Variants in IGFN1 observed in about 807,000 individuals in gnomAD.
IGFN1 encodes the protein immunoglobulin like and fibronectin type III domain containing 1, also known as immunoglobulin-like and fibronectin type III domain-containing protein 1.
Under a neutral mutation model 289.5 loss-of-function variants are expected in IGFN1, and 253 were observed. That is an observed-to-expected ratio of 0.87 (90% CI 0.79 to 0.97). The LOEUF is 0.97. IGFN1 is among the 50% of genes least tolerant of loss of function. The pLI is 0.00. For synonymous variants in IGFN1, 1,706 were observed against 1,788.5 expected, an observed-to-expected ratio of 0.95 and a Z score of 1.16; for missense variants, 4,470 against 4,686.1, an observed-to-expected ratio of 0.95 and a Z score of 1.35.
At position 201,209,986 on chromosome 1, in the gene IGFN1, G is replaced by T. The variant is rs770546118; in HGVS notation, c.5093G>T (p.Ser1698Ile). The T allele has an allele frequency of 8.7e-6, 13 of 1,494,618 alleles. No homozygotes were observed. The highest frequency in any genetic ancestry group is 2.9e-5 in the African/African-American group (2 of 67,834). 92.6% of individuals were successfully genotyped at this position (1,494,618 alleles called of 1,614,324 possible). The change falls in exon 12 of 24, where the codon AGT (serine) becomes ATT (isoleucine). Residue 1698 changes from serine (S) to isoleucine (I), a missense_variant. Physicochemically the swap from Ser to Ile is moderately radical, Grantham distance 142. Coordinates refer to ENST00000335211, the MANE Select transcript of IGFN1 (RefSeq NM_001164586.2). Reference sequence around the variant, plus strand: ...GCAGGTTTTAGGGATGGTTTAGGGAGTTCTGTAGAAATGGGGTCAGTGAAT... The same window carrying T: ...GCAGGTTTTAGGGATGGTTTAGGGATTTCTGTAGAAATGGGGTCAGTGAAT... ...SKAGFRDGLG[S>I]SVEMGSVNEA...
chr1:201,206,178 G>T lies in IGFN1; in HGVS notation c.1285G>T (p.Glu429Ter). Residue 429 changes from glutamate to a stop codon, truncating the protein, a stop_gained, in exon 12 of 24, where the codon GAG becomes TAG. Coordinates refer to ENST00000335211, the MANE Select transcript of IGFN1 (RefSeq NM_001164586.2). LOFTEE classifies it high-confidence loss of function. ...ASGAEESGSIESQGEKSREQG... is the reference protein window; with the variant it reads ...ASGAEESGSI Reference sequence around the variant, plus strand: ...AGGAGCAGAAGAGTCTGGGAGCATCGAGAGCCAGGGAGAGAAATCCAGAGA... The same window carrying T: ...AGGAGCAGAAGAGTCTGGGAGCATCTAGAGCCAGGGAGAGAAATCCAGAGA... 6 of 1,550,318 alleles carry T rather than the reference G, an allele frequency of 3.9e-6. No homozygotes were observed. Among genetic ancestry groups the T allele is most frequent in the Non-Finnish European group, 5.2e-6 (6 of 1,146,774 alleles).
At chr1:201,219,064 G>A (rs1335940397) in intron 18 of IGFN1, among the ~76,000 whole-genome samples, 3 of 148,234 alleles carry the variant, frequency 2.0e-5, no homozygotes, top group African/African-American at 2.5e-5. Context: ...AAAGAAAGAA[G>A]AAAAAAAAAA....
chr1:201,218,304 C>T (rs1278175963), intron 17 of IGFN1, among the ~76,000 whole-genome samples: 3 of 152,248 alleles, frequency 2.0e-5, no homozygotes. Flanking sequence ...TGCCCAAGAA[C>T]ATCCAGCAAG....
intron 2 of IGFN1, 29 bp from the exon 3 acceptor site, chr1:201,194,125 C>A (rs1211325840): frequency 6.5e-7 from 1 of 1,549,922 alleles, no homozygotes; most frequent in East Asian, 2.4e-5. Context: ...GGTGGAAGGC[C>A]CCATCTCCTT....
Position 201,212,765 on chromosome 1 carries a change from T to C in IGFN1, c.7872T>C (p.Ala2624=), listed in dbSNP as rs770568700. 1.7e-5 allele frequency: 27 copies of C among 1,551,414 alleles called. No individual in the cohort carries two copies. The highest frequency in any genetic ancestry group is 8.7e-6 in the Non-Finnish European group (10 of 1,146,922). The change falls in exon 12 of 24, where the codon GCT becomes GCC. Residue 2624 remains alanine (A), a synonymous_variant. Coordinates refer to ENST00000335211, the MANE Select transcript of IGFN1 (RefSeq NM_001164586.2). The stretch of plus-strand genomic sequence containing the variant: ...CTGATAGACAAGGGACGAGCAATGC[T>C]TGGGCTCCTGATTGGGAAAACCAGG... ...GPADRQGTSN[A]WAPDWENQGF...
chr1:201,192,591 G>A (rs1461511820), intron 1 of IGFN1, among the ~76,000 whole-genome samples: 2 of 152,198 alleles, frequency 1.3e-5, no homozygotes, highest in African/African-American at 2.4e-5. Context: ...GGATTTATGG[G>A]GATCCTACAG....
intron 16 of IGFN1, among the ~76,000 whole-genome samples, 179 bp downstream of exon 16, chr1:201,216,932 C>T (rs1000205792): frequency 7.2e-5 from 11 of 152,076 alleles, no homozygotes; most frequent in African/African-American, 2.7e-4. Flanking sequence ...GCACCCAGAT[C>T]AGGAAGTGTT....
At chr1:201,195,099 G>C (rs1666839932) in intron 3 of IGFN1, among the ~76,000 whole-genome samples, 1 of 152,068 alleles carries the variant, frequency 6.6e-6, no homozygotes, top group South Asian at 2.1e-4. Context: ...TCTCCTAGTT[G>C]TGATTCCTCC....
In IGFN1 at chr1:201,201,297, T is replaced by C. The variant is rs149869698; in HGVS notation, c.634-422T>C. On this transcript the variant is annotated intron_variant, in intron 8 of 23. Coordinates refer to ENST00000335211, the MANE Select transcript of IGFN1 (RefSeq NM_001164586.2). The stretch of plus-strand genomic sequence containing the variant: ...AAAATGGAAAACAACTAGTTTTTAT[T>C]ATCCTGAAAATAGTATCTTATCCCC... Among the ~76,000 whole-genome samples the C allele has an allele frequency of 5.7e-3, 865 of 152,344 alleles. 27 individuals carry two copies. Among genetic ancestry groups the C allele is most frequent in the Admixed American group, 0.053 (818 of 15,298 alleles).
At chr1:201,206,054 C>T (rs1242127389) in intron 11 of IGFN1, 29 bp from the exon 12 acceptor site, 2 of 1,428,988 alleles carry the variant, frequency 1.4e-6, no homozygotes, top group Non-Finnish European at 1.9e-6. Flanking sequence ...TGGGCACTGA[C>T]CTTCCATATG....
At chr1:201,193,383 G>A (rs964889537) in intron 2 of IGFN1, 83 bp downstream of exon 2, 11 of 974,010 alleles carry the variant, frequency 1.1e-5, no homozygotes, top group African/African-American at 4.9e-5. Flanking sequence ...GTAGGGATCA[G>A]AGATTTCTGG....
At position 201,210,847 on chromosome 1, in the gene IGFN1, G is replaced by A; in HGVS notation, c.5954G>A (p.Gly1985Glu). 6.5e-7 allele frequency: 1 copy of A among 1,535,290 alleles called. No homozygotes were observed. Among genetic ancestry groups the A allele is most frequent in the Non-Finnish European group, 8.7e-7 (1 of 1,146,380 alleles). ...GSKEGFRDGL[G>E]GSEEMGSMDE... ...AAGGAAGGTTTCAGGGATGGTTTAG[G>A]GGGTTCTGAGGAAATGGGGTCAATG... Residue 1985 changes from glycine to glutamate, a missense_variant, in exon 12 of 24, where the codon GGG (glycine) becomes GAG (glutamate). This residue lies in a region of IGFN1 where 108 missense variants were observed against 128.7 expected (regional missense o/e 0.84). Coordinates refer to ENST00000335211, the MANE Select transcript of IGFN1 (RefSeq NM_001164586.2).
chr1:201,226,255 C>T (rs1459951737), intron 22 of IGFN1, 132 bp downstream of exon 22: 43 of 1,044,336 alleles, frequency 4.1e-5, no homozygotes, highest in Non-Finnish European at 5.2e-5. Flanking sequence ...TGCCAAATAA[C>T]AGCCAGCAGC....
At position 201,220,191 on chromosome 1, in the gene IGFN1, TC is replaced by T. The variant is rs1294419419; in HGVS notation, c.9899-1252del. Reference sequence around the variant, plus strand: ...CTTTCTATCCCTTTCTTTCTCTCTCTCTCTCTCTCTCTAACAGGGTCCACTC... The same window carrying T: ...CTTTCTATCCCTTTCTTTCTCTCTCTTCTCTCTCTCTAACAGGGTCCACTC... On this transcript the variant is annotated intron_variant, in intron 18 of 23. Coordinates refer to ENST00000335211, the MANE Select transcript of IGFN1 (RefSeq NM_001164586.2). Among the ~76,000 whole-genome samples, 796 of 150,702 alleles carry T rather than the reference TC, an allele frequency of 5.3e-3. 5 individuals carry two copies. Among genetic ancestry groups the T allele is most frequent in the Middle Eastern group, 0.02 (6 of 294 alleles).
rs779278089 is a variant in IGFN1, at chr1:201,206,209, G to A, written c.1316G>A (p.Gly439Asp). 1 of 1,548,718 alleles carries A rather than the reference G, an allele frequency of 6.5e-7. No homozygotes were observed. Among genetic ancestry groups the A allele is most frequent in the Admixed American group, 2.0e-5 (1 of 50,588 alleles). Residue 439 changes from glycine to aspartate, a missense_variant, in exon 12 of 24, where the codon GGC becomes GAC. This residue lies in a region of IGFN1 where 2,011 missense variants were observed against 1,953.4 expected (regional missense o/e 1.03). Coordinates refer to ENST00000335211, the MANE Select transcript of IGFN1 (RefSeq NM_001164586.2). Reference sequence around the variant, plus strand: ...CAGGGAGAGAAATCCAGAGAGCAGGGCCCCAGGGGGGGCTCCCTTGAAGGG... The same window carrying A: ...CAGGGAGAGAAATCCAGAGAGCAGGACCCCAGGGGGGGCTCCCTTGAAGGG... ...ESQGEKSREQ[G>D]PRGGSLEGAG...
rs763244525 is a variant in IGFN1 at position 201,216,681 on chromosome 1, C to T, written c.9523C>T (p.Arg3175Ter). The T allele has an allele frequency of 1.9e-5, 31 of 1,613,912 alleles. No homozygotes were observed. The Admixed American group carries it at 2.8e-4, about 15-fold the overall frequency. Reference sequence around the variant, plus strand: ...GGAGCCAGGCAGGAAGTATACCTTCCGAGTGCGGGCTGTGACCTCAGAGGG... The same window carrying T: ...GGAGCCAGGCAGGAAGTATACCTTCTGAGTGCGGGCTGTGACCTCAGAGGG... The part of the protein sequence containing the change: ...HVEPGRKYTF[R>*]VRAVTSEGAG... Residue 3175 changes from arginine to a stop codon, truncating the protein, a stop_gained, in exon 16 of 24, where the codon CGA becomes TGA. Coordinates refer to ENST00000335211, the MANE Select transcript of IGFN1 (RefSeq NM_001164586.2). LOFTEE classifies it high-confidence loss of function.
rs1772845 is a variant in IGFN1, at chr1:201,210,193, C to T, written c.5300C>T (p.Ala1767Val). 4.9e-6 allele frequency: 5 copies of T among 1,024,488 alleles called. No homozygotes were observed. Among genetic ancestry groups the T allele is most frequent in the Non-Finnish European group, 6.1e-6 (5 of 826,112 alleles). 63.5% of individuals were successfully genotyped at this position (1,024,488 alleles called of 1,614,324 possible). A position where few individuals can be genotyped will look rare whatever the true frequency, so the allele number is the denominator to read the frequency against. ...GGGAGCAAGGCAGATTTTAGGGATGCTTTAGGGAGTTCTGGGGAAATGGGG... is the reference window on the plus strand; with the variant it reads ...GGGAGCAAGGCAGATTTTAGGGATGTTTTAGGGAGTTCTGGGGAAATGGGG... ...GSGSKADFRD[A>V]LGSSGEMGSM... Residue 1767 changes from alanine (A) to valine (V), a missense_variant, in exon 12 of 24, where the codon GCT (alanine) becomes GTT (valine). Physicochemically the swap from Ala to Val is moderately conservative, Grantham distance 64 (BLOSUM62 0). This residue lies in a region of IGFN1 where 33 missense variants were observed against 259.7 expected (regional missense o/e 0.13). Transcript: ENST00000335211.
chr1:201,217,392 G>A lies in IGFN1; in HGVS notation c.9701G>A (p.Gly3234Asp), dbSNP rs778213329. 25 of 1,614,064 alleles carry A rather than the reference G, an allele frequency of 1.5e-5. No individual in the cohort carries two copies. The change falls in exon 17 of 24, where the codon GGC (glycine) becomes GAC (aspartate). Residue 3234 changes from glycine to aspartate, a missense_variant. Physicochemically the swap from Gly to Asp is moderately conservative, Grantham distance 94. This residue lies in a region of IGFN1 where 2,218 missense variants were observed against 2,114.1 expected (regional missense o/e 1.05). Coordinates refer to ENST00000335211, the MANE Select transcript of IGFN1 (RefSeq NM_001164586.2). ...PRGPGSAHIL[G>D]YLIERRKKGS... ...GGCCCCGGCAGCGCCCACATCCTGG[G>A]CTACCTGATCGAGAGGCGTAAGAAG...
Position 201,221,734 on chromosome 1 carries a change from AT to A in IGFN1, c.10190del (p.Met3397SerfsTer19). ...PSALDTLVQA[M>X]PVTVCPKFLV... Reference sequence around the variant, plus strand: ...TGCCCTGGACACATTAGTGCAAGCCATGCCTGTTACTGGTGAGTGCTGCCTC... The same window carrying A: ...TGCCCTGGACACATTAGTGCAAGCCAGCCTGTTACTGGTGAGTGCTGCCTC... On this transcript the variant is annotated frameshift_variant, in exon 19 of 24. Transcript: ENST00000335211. LOFTEE classifies it high-confidence loss of function. 1 of 1,589,958 alleles carries A rather than the reference AT, an allele frequency of 6.3e-7. No homozygotes were observed. The highest frequency in any genetic ancestry group is 1.1e-5 in the South Asian group (1 of 86,998).
Sources: allele counts gnomAD v4.1 joint callset (sites outside exome capture counted in the v4.1 genomes callset), GRCh38; gene constraint gnomAD v4.1.1; regional missense constraint gnomAD v4.1.1; transcripts MANE v1.5; gene names NCBI Gene and HGNC (gene_info 2026-07-23, HGNC 2026-07-21).